The following TGFB2 variants were observed in gnomAD, a reference collection of about 807,000 sequenced individuals.
TGFB2 encodes transforming growth factor beta 2, also known as transforming growth factor beta-2 proprotein.
In TGFB2, 13 loss-of-function variants were observed where a neutral mutation model predicts 42.7. That is an observed-to-expected ratio of 0.30 (90% confidence interval 0.20 to 0.48). The LOEUF is 0.48. TGFB2 is among the 20% of genes least tolerant of loss of function. TGFB2 has a pLI of 0.99. For synonymous variants in TGFB2, 193 were observed against 193.6 expected (o/e 1.00, Z 0.03); for missense variants, 390 against 517.5 (o/e 0.75, Z 2.39).
intron 2 of TGFB2, among the ~76,000 whole-genome samples, chr1:218,429,314 T>A (rs902648218): frequency 3.9e-5 from 6 of 152,216 alleles, no homozygotes; most frequent in African/African-American, 9.6e-5. Context: ...ATTTGCCTAT[T>A]TAAAGTACCT....
intron 1 of TGFB2, among the ~76,000 whole-genome samples, chr1:218,393,802 T>C (rs1658396479): frequency 6.6e-6 from 1 of 152,038 alleles, no homozygotes; most frequent in Non-Finnish European, 1.5e-5. Flanking sequence ...ATGAGGCCAT[T>C]GGGAAGGGAC....
chr1:218,430,741 TAGA>T (rs1477658216), intron 2 of TGFB2, among the ~76,000 whole-genome samples: 4 of 152,356 alleles, frequency 2.6e-5, no homozygotes, highest in African/African-American at 9.6e-5. Context: ...ACGATGTGAT[TAGA>T]AGGTTTTCTA....
intron 1 of TGFB2, among the ~76,000 whole-genome samples, chr1:218,395,905 C>T (rs11118099): frequency 0.12 from 17,878 of 152,180 alleles, 1,305 homozygotes; most frequent in South Asian, 0.21. Flanking sequence ...TGAGCCACCG[C>T]GCCAGGCCTT....
rs940706893 is a variant in TGFB2, at chr1:218,441,669, A to G, written c.*307A>G. Reference sequence around the variant, plus strand: ...ACACTGGAAGAATTTATTAGTGTTAATTATGTGAACAACGACAACAACAAC... The same window carrying G: ...ACACTGGAAGAATTTATTAGTGTTAGTTATGTGAACAACGACAACAACAAC... On this transcript the variant is annotated 3_prime_UTR_variant, in exon 7 of 7. Transcript: ENST00000366930. The G allele has an allele frequency of 1.8e-5, 4 of 217,078 alleles. No homozygotes were observed. The highest frequency in any genetic ancestry group is 9.3e-5 in the African/African-American group (4 of 42,786). 13.4% of individuals were successfully genotyped at this position (217,078 alleles called of 1,614,324 possible). A position where few individuals can be genotyped will look rare whatever the true frequency, so the allele number is the denominator to read the frequency against.
intron 1 of TGFB2, among the ~76,000 whole-genome samples, chr1:218,364,415 G>A (rs940075897): frequency 6.6e-6 from 1 of 152,218 alleles, no homozygotes; most frequent in Non-Finnish European, 1.5e-5. Context: ...TGGACGATGA[G>A]TCCACAACAA....
rs375947442 is a variant in TGFB2, at chr1:218,381,252, G to T, written c.347-23917G>T. ...TTGCCAAAGGCACATTTTTGTTTTT[G>T]TTTTTGTTTTTTTTTTTTTTTGAGA... On this transcript the variant is annotated intron_variant, in intron 1 of 6. Transcript: ENST00000366930. Among the ~76,000 whole-genome samples, 272 of 129,356 alleles carry T rather than the reference G, an allele frequency of 2.1e-3. 2 individuals carry two copies. The highest frequency in any genetic ancestry group is 5.9e-3 in the African/African-American group (215 of 36,162). The allele number at this position is 129,356 out of a possible 152,430, so 84.9% of individuals were successfully genotyped here.
Position 218,442,368 on chromosome 1 carries a change from A to G in TGFB2, c.*1006A>G, listed in dbSNP as rs1660182859. ...CCAGCATAATTGAAAACACATCTGC[A>G]GATCTCTTTTGCAAACTATTAAATC... On this transcript the variant is annotated 3_prime_UTR_variant, in exon 7 of 7. Transcript: ENST00000366930. 1 of 152,182 alleles carries G rather than the reference A, an allele frequency of 6.6e-6. No individual in the cohort carries two copies. The highest frequency in any genetic ancestry group is 2.4e-5 in the African/African-American group (1 of 41,460). 9.4% of individuals were successfully genotyped at this position (152,182 alleles called of 1,614,324 possible).
At chr1:218,372,334 T>C (rs923263579) in intron 1 of TGFB2, among the ~76,000 whole-genome samples, 1 of 152,188 alleles carries the variant, frequency 6.6e-6, no homozygotes, top group South Asian at 2.1e-4. Flanking sequence ...TCAGACCATA[T>C]TTTTCTAATA....
At chr1:218,377,838 C>T (rs1571850124) in intron 1 of TGFB2, among the ~76,000 whole-genome samples, 1 of 152,206 alleles carries the variant, frequency 6.6e-6, no homozygotes, top group Admixed American at 6.5e-5. Context: ...GTCTTTTCTT[C>T]TTTCTTACTA....
At chr1:218,374,439 A>G (rs1326594887) in intron 1 of TGFB2, among the ~76,000 whole-genome samples, 1 of 152,200 alleles carries the variant, frequency 6.6e-6, no homozygotes, top group African/African-American at 2.4e-5. Context: ...TTGGGAAAGG[A>G]GAGTGATTTT....
chr1:218,418,760 G>A (rs1015428482), intron 2 of TGFB2, among the ~76,000 whole-genome samples: 1 of 152,106 alleles, frequency 6.6e-6, no homozygotes, highest in Non-Finnish European at 1.5e-5. Flanking sequence ...TAAGTCTCAT[G>A]ATATCATGAT....
Position 218,354,554 on chromosome 1 carries a change from G to T in TGFB2, c.346+7507G>T, listed in dbSNP as rs7529990. ...TAATACTCACAAGCAATCCTATGAG[G>T]TTAATACTCATACTGTCCCTTTGAC... is the stretch of plus-strand genomic sequence containing the variant. On this transcript the variant is annotated intron_variant, in intron 1 of 6. Transcript: ENST00000366930. Among the ~76,000 whole-genome samples, 1,275 of 152,232 alleles carry T rather than the reference G, an allele frequency of 8.4e-3. 18 individuals carry two copies. The highest frequency in any genetic ancestry group is 0.028 in the African/African-American group (1,177 of 41,522).
At chr1:218,434,051 A>C in intron 2 of TGFB2, 31 bp from the exon 3 acceptor site, 4 of 1,610,560 alleles carry the variant, frequency 2.5e-6, no homozygotes, top group Non-Finnish European at 3.4e-6. Context: ...ATGCCAACTC[A>C]GCCTTTTCTC....
intron 2 of TGFB2, among the ~76,000 whole-genome samples, chr1:218,426,567 A>T (rs1446159672): frequency 6.6e-6 from 1 of 152,202 alleles, no homozygotes; most frequent in South Asian, 2.1e-4. Context: ...TAATGATTAT[A>T]TATCAGTAAT....
At chr1:218,395,995 G>C (rs1245802958) in intron 1 of TGFB2, among the ~76,000 whole-genome samples, 2 of 152,122 alleles carry the variant, frequency 1.3e-5, no homozygotes, top group Admixed American at 1.3e-4. Context: ...AAAATGAGAA[G>C]GGGACATAAA....
intron 1 of TGFB2, among the ~76,000 whole-genome samples, chr1:218,380,295 C>A (rs904052466): frequency 3.3e-5 from 5 of 152,192 alleles, no homozygotes; most frequent in African/African-American, 9.7e-5. Flanking sequence ...TGGGGACGGA[C>A]ATTCCACTCT....
intron 2 of TGFB2, among the ~76,000 whole-genome samples, chr1:218,406,940 T>C (rs1034240385): frequency 5.9e-5 from 9 of 152,230 alleles, no homozygotes; most frequent in Admixed American, 5.9e-4. Flanking sequence ...GGCATCTATG[T>C]GCAGAAACCG....
At chr1:218,419,461 A>G (rs1659386301) in intron 2 of TGFB2, among the ~76,000 whole-genome samples, 1 of 152,330 alleles carries the variant, frequency 6.6e-6, no homozygotes, top group South Asian at 2.1e-4. Context: ...TCTCCTTGAT[A>G]ATCTTCATTA....
chr1:218,376,492 G>A (rs549450992), intron 1 of TGFB2, among the ~76,000 whole-genome samples: 2 of 152,310 alleles, frequency 1.3e-5, no homozygotes, highest in Non-Finnish European at 2.9e-5. Context: ...GAGATAGGTA[G>A]GGATGAGTCC....
Sources: gnomAD v4.1 joint callset for allele counts (sites outside exome capture counted in the v4.1 genomes callset) on GRCh38, gnomAD v4.1.1 for gene constraint, MANE v1.5 for transcripts, NCBI Gene and HGNC (gene_info 2026-07-23, HGNC 2026-07-21) for gene names.